SLC15A5: variants seen among roughly 807,000 people sequenced by gnomAD.
The protein encoded by SLC15A5 is Peptide/histidine transporter ENSP00000340402.
SLC15A5 carries 58 observed loss-of-function variants against 56.1 expected under a neutral mutation model. That is an observed-to-expected ratio of 1.03 (90% CI 0.84 to 1.29). SLC15A5 has a LOEUF of 1.29. Among genes scored for constraint, SLC15A5 ranks in the 50% most tolerant of loss-of-function variants. The probability of loss-of-function intolerance (pLI) is 0.00; values close to 1 mark genes in which losing one functional copy is unlikely to be tolerated. For missense variants in SLC15A5, 681 were observed against 672.1 expected (o/e 1.01, Z -0.15); for synonymous variants, 264 against 250.5 (o/e 1.05, Z -0.51).
chr12:16,201,955 AAACTCC>A (rs1288197599), intron 7 of SLC15A5, among the ~76,000 whole-genome samples: 1 of 152,166 alleles, frequency 6.6e-6, no homozygotes, highest in Admixed American at 6.6e-5. Flanking sequence ...ACGAACAAAT[AAACTCC>A]AAATAGATTA....
At chr12:16,275,603 T>G (rs1864809390) in intron 1 of SLC15A5, among the ~76,000 whole-genome samples, 1 of 151,978 alleles carries the variant, frequency 6.6e-6, no homozygotes, top group Non-Finnish European at 1.5e-5. Flanking sequence ...CAGAAGACCT[T>G]TCTTATATAT....
intron 7 of SLC15A5, among the ~76,000 whole-genome samples, chr12:16,215,430 T>C (rs1367551944): frequency 6.6e-6 from 1 of 152,186 alleles, no homozygotes; most frequent in Non-Finnish European, 1.5e-5. Flanking sequence ...TTTGGAAATA[T>C]CTTCACTGAG....
chr12:16,244,919 C>T (rs924770711), intron 3 of SLC15A5, 119 bp from the exon 4 acceptor site: 15 of 1,084,352 alleles, frequency 1.4e-5, no homozygotes, highest in East Asian at 5.2e-5. Flanking sequence ...AAGTTTTTAG[C>T]ACCCAAGGGG....
chr12:16,258,990 C>CTTTTTTTTTTTTTTT (rs35905307), intron 2 of SLC15A5, among the ~76,000 whole-genome samples: 1 of 118,514 alleles, frequency 8.4e-6, no homozygotes, highest in East Asian at 2.6e-4. Flanking sequence ...TCTTCTTTTT[C>CTTTTTTTTTTTTTTT]TTTTTTTTTT....
Position 16,189,126 on chromosome 12 carries a change from A to G in SLC15A5, c.*542T>C. 1 of 152,168 alleles carries G rather than the reference A, an allele frequency of 6.6e-6. No individual in the cohort carries two copies. The highest frequency in any genetic ancestry group is 1.9e-4 in the East Asian group (1 of 5,192). 9.4% of individuals were successfully genotyped at this position (152,168 alleles called of 1,614,324 possible). A position where few individuals can be genotyped will look rare whatever the true frequency, so the allele number is the denominator to read the frequency against. On this transcript the variant is annotated 3_prime_UTR_variant, in exon 9 of 9. Coordinates refer to ENST00000344941, the MANE Select transcript of SLC15A5 (RefSeq NM_001170798.1). Reference sequence around the variant, plus strand: ...TTTTAGTAATACTGCTTTTAAATTCAGAGAAAATGTCCTTAATGAAGTCAT... The same window carrying G: ...TTTTAGTAATACTGCTTTTAAATTCGGAGAAAATGTCCTTAATGAAGTCAT...
chr12:16,241,580 T>C (rs1293668401), intron 4 of SLC15A5, among the ~76,000 whole-genome samples: 1 of 152,212 alleles, frequency 6.6e-6, no homozygotes, highest in East Asian at 1.9e-4. Flanking sequence ...TTGTTTTGGC[T>C]GAGTACAGAT....
intron 5 of SLC15A5, among the ~76,000 whole-genome samples, chr12:16,228,314 G>A (rs1437888220): frequency 1.3e-5 from 2 of 152,346 alleles, no homozygotes; most frequent in Non-Finnish European, 2.9e-5. Flanking sequence ...GTGCCTTCAA[G>A]CATGTTTGCA....
At chr12:16,216,490 A>G (rs1864130530) in intron 7 of SLC15A5, among the ~76,000 whole-genome samples, 1 of 152,204 alleles carries the variant, frequency 6.6e-6, no homozygotes, top group African/African-American at 2.4e-5. Flanking sequence ...TTGCATAGAC[A>G]AGAATTGTGG....
At chr12:16,212,815 GA>G (rs76890971) in intron 7 of SLC15A5, among the ~76,000 whole-genome samples, 22,320 of 151,986 alleles carry the variant, frequency 0.15, 1,825 homozygotes, top group East Asian at 0.27. Flanking sequence ...GGATGACACA[GA>G]ATCAATTTTC....
rs370474998 is a variant in SLC15A5 at position 16,189,833 on chromosome 12, A to C, written c.1593-18T>G. 1.4e-6 allele frequency: 2 copies of C among 1,458,608 alleles called. No individual in the cohort carries two copies. Among genetic ancestry groups the C allele is most frequent in the South Asian group, 1.4e-5 (1 of 69,632 alleles). The allele number at this position is 1,458,608 out of a possible 1,614,324, so 90.4% of individuals were successfully genotyped here. Reference sequence around the variant, plus strand: ...TACAATATCTAAAAAAGAAAGAAAGAAAGCTTTTCTTAGGACCAGATGTAG... The same window carrying C: ...TACAATATCTAAAAAAGAAAGAAAGCAAGCTTTTCTTAGGACCAGATGTAG... On this transcript the variant is annotated intron_variant, in intron 8 of 8. Coordinates refer to ENST00000344941, the MANE Select transcript of SLC15A5 (RefSeq NM_001170798.1).
rs568112448 is a variant in SLC15A5 at position 16,239,979 on chromosome 12, A to C, written c.976-112T>G. On this transcript the variant is annotated intron_variant, in intron 4 of 8. Transcript: ENST00000344941. Reference sequence around the variant, plus strand: ...ACGTACTCTGTGATGGATGAGCTGGATGTTGCCTAGTTTTTCAAGTTCCCA... The same window carrying C: ...ACGTACTCTGTGATGGATGAGCTGGCTGTTGCCTAGTTTTTCAAGTTCCCA... 8.1e-6 allele frequency: 8 copies of C among 983,070 alleles called. No homozygotes were observed. In the African/African-American group the frequency reaches 9.9e-5, roughly 12 times the overall value. 60.9% of individuals were successfully genotyped at this position (983,070 alleles called of 1,614,324 possible).
intron 6 of SLC15A5, among the ~76,000 whole-genome samples, chr12:16,222,709 TCA>T (rs549421414): frequency 1.2e-3 from 180 of 152,298 alleles, no homozygotes; most frequent in Admixed American, 2.8e-3. Context: ...TCTGCCTTTT[TCA>T]CAGTCATTGG....
At chr12:16,217,220 A>T (rs1479299793) in intron 6 of SLC15A5, among the ~76,000 whole-genome samples, 196 bp from the exon 7 acceptor site, 1 of 152,164 alleles carries the variant, frequency 6.6e-6, no homozygotes, top group Non-Finnish European at 1.5e-5. Context: ...ATAAAATATG[A>T]CAAAAATATA....
At chr12:16,201,692 TG>T (rs1863958381) in intron 7 of SLC15A5, among the ~76,000 whole-genome samples, 1 of 152,174 alleles carries the variant, frequency 6.6e-6, no homozygotes, top group Admixed American at 6.6e-5. Context: ...CTGATGCCTT[TG>T]AAGAAGGTGC....
chr12:16,256,009 T>G (rs539940360), intron 3 of SLC15A5, among the ~76,000 whole-genome samples: 2 of 152,232 alleles, frequency 1.3e-5, no homozygotes, highest in South Asian at 4.2e-4. Context: ...TGTCCAAGTA[T>G]GGAAACAAAT....
In SLC15A5 at chr12:16,269,816, T is replaced by G. The variant is rs1369365482; in HGVS notation, c.584+2745A>C. Among the ~76,000 whole-genome samples the G allele has an allele frequency of 6.6e-6, 1 of 152,162 alleles. No individual in the cohort carries two copies. The highest frequency in any genetic ancestry group is 1.5e-5 in the Non-Finnish European group (1 of 68,020). On this transcript the variant is annotated intron_variant, in intron 2 of 8. Coordinates refer to ENST00000344941, the MANE Select transcript of SLC15A5 (RefSeq NM_001170798.1). This position sits in a 1 kb window ranked among gnomAD's most constrained non-coding sequence, Gnocchi z 4.7. ...GATGCAAATTATCAGGTGAAGAAAG[T>G]AGAGAAATGCAGAAGCAAGATTTGA...
At chr12:16,209,876 T>G (rs1864061675) in intron 7 of SLC15A5, among the ~76,000 whole-genome samples, 1 of 152,166 alleles carries the variant, frequency 6.6e-6, no homozygotes. Context: ...TTATTCTTTC[T>G]TCCCTCAAAA....
Position 16,277,304 on chromosome 12 carries a change from C to A in SLC15A5, c.361+21G>T, listed in dbSNP as rs1231848487. ...TACTTAATTAAGTCACAAAACAATC[C>A]AGTCAGCAGAGGACACTCACCTAGA... On this transcript the variant is annotated intron_variant, in intron 1 of 8. Coordinates refer to ENST00000344941, the MANE Select transcript of SLC15A5 (RefSeq NM_001170798.1). 1.0e-5 allele frequency: 15 copies of A among 1,454,446 alleles called. 1 individual carries two copies. The Admixed American group carries it at 3.7e-4, about 36-fold the overall frequency. 90.1% of individuals were successfully genotyped at this position (1,454,446 alleles called of 1,614,324 possible).
rs546591643 is a variant in SLC15A5 at position 16,269,091 on chromosome 12, C to T, written c.584+3470G>A. Among the ~76,000 whole-genome samples, 1 of 152,018 alleles carries T rather than the reference C, an allele frequency of 6.6e-6. No individual in the cohort carries two copies. Among genetic ancestry groups the T allele is most frequent in the Non-Finnish European group, 1.5e-5 (1 of 68,026 alleles). On this transcript the variant is annotated intron_variant, in intron 2 of 8. Coordinates refer to ENST00000344941, the MANE Select transcript of SLC15A5 (RefSeq NM_001170798.1). This position sits in a 1 kb window ranked among gnomAD's most constrained non-coding sequence, Gnocchi z 4.7. The stretch of plus-strand genomic sequence containing the variant: ...AGAGAACCCTCACCAGAACCCTGAT[C>T]TCAGAATTCTGGCCTCCAGAGCTGT...
Sources: allele counts gnomAD v4.1 joint callset (sites outside exome capture counted in the v4.1 genomes callset), GRCh38; gene constraint gnomAD v4.1.1; non-coding constraint Gnocchi (gnomAD v3.1); transcripts MANE v1.5; gene names NCBI Gene and HGNC (gene_info 2026-07-23, HGNC 2026-07-21).